Variants in RTTN observed in about 807,000 individuals in gnomAD.
The protein encoded by RTTN is rotatin.
A neutral mutation model predicts 269.2 loss-of-function variants in RTTN; 182 were observed. The ratio of observed to expected loss-of-function variants is 0.68; its 90% CI spans 0.60 to 0.76. The LOEUF (loss-of-function observed/expected upper bound fraction) is 0.76. Among genes scored for constraint, RTTN ranks in the 30% least tolerant of loss-of-function variants. RTTN has a pLI of 0.00. For missense variants in RTTN, 2,545 were observed against 2,608.6 expected (o/e 0.98, Z 0.53); for synonymous variants, 1,006 against 963.5 (o/e 1.04, Z -0.82).
intron 3 of RTTN, among the ~76,000 whole-genome samples, chr18:70,202,901 C>G (rs950800049): frequency 3.3e-5 from 5 of 152,144 alleles, no homozygotes; most frequent in African/African-American, 9.7e-5. Context: ...ACCGCAGTAC[C>G]CACAGCTGAA....
At chr18:70,133,196 G>A (rs2060039952) in intron 23 of RTTN, among the ~76,000 whole-genome samples, 2 of 152,102 alleles carry the variant, frequency 1.3e-5, no homozygotes, top group Admixed American at 1.3e-4. Flanking sequence ...ACCCACAAAT[G>A]TGATCTCATT....
chr18:70,168,792 T>C, intron 12 of RTTN, 63 bp downstream of exon 12: 1 of 1,238,160 alleles, frequency 8.1e-7, no homozygotes, highest in Non-Finnish European at 1.1e-6. Context: ...ATTTGAAAAG[T>C]ATAGATTAAA....
At position 70,098,906 on chromosome 18, in the gene RTTN, C is replaced by A. The variant is rs151264405; in HGVS notation, c.3904-6102G>T. Among the ~76,000 whole-genome samples the A allele has an allele frequency of 3.3e-5, 5 of 152,230 alleles. No homozygotes were observed. The East Asian group carries it at 9.6e-4, about 29-fold the overall frequency. On this transcript the variant is annotated intron_variant, in intron 28 of 48. Transcript: ENST00000640769. Reference sequence around the variant, plus strand: ...GAACATGCAGTGTTCGGTTATCTGTCCTTGCGATAGTTTGCTGAGAACGAT... The same window carrying A: ...GAACATGCAGTGTTCGGTTATCTGTACTTGCGATAGTTTGCTGAGAACGAT...
Position 70,150,734 on chromosome 18 carries a change from C to T in RTTN, c.1930-1G>A. ...TGACATTATGGACACCTAAACATTC[C>T]TGTAAAATAATATTAAAAAGTATTT... On this transcript the variant is annotated splice_acceptor_variant, in intron 14 of 48. Transcript: ENST00000640769. LOFTEE classifies it high-confidence loss of function. The T allele has an allele frequency of 6.4e-7, 1 of 1,566,866 alleles. No homozygotes were observed. Among genetic ancestry groups the T allele is most frequent in the Non-Finnish European group, 8.7e-7 (1 of 1,154,636 alleles).
intron 23 of RTTN, among the ~76,000 whole-genome samples, chr18:70,132,171 A>T (rs1180227195): frequency 6.6e-6 from 1 of 152,106 alleles, no homozygotes; most frequent in Non-Finnish European, 1.5e-5. Flanking sequence ...CTCAAAATAC[A>T]TTGTCAGCCA....
chr18:70,139,259 CG>C (rs1010729838), intron 21 of RTTN, among the ~76,000 whole-genome samples: 22 of 151,960 alleles, frequency 1.4e-4, no homozygotes, highest in Non-Finnish European at 2.9e-5. Flanking sequence ...ACAAGAAAGA[CG>C]AAAGAGATAT....
intron 40 of RTTN, among the ~76,000 whole-genome samples, chr18:70,047,269 T>C (rs1317312035): frequency 6.6e-6 from 1 of 152,180 alleles, no homozygotes; most frequent in African/African-American, 2.4e-5. Flanking sequence ...ACCACATGAT[T>C]AAAAAGAATA....
chr18:70,205,467 A>G (rs1395251415), intron 1 of RTTN, 152 bp from the exon 2 acceptor site: 13 of 1,369,152 alleles, frequency 9.5e-6, no homozygotes, highest in Non-Finnish European at 1.3e-5. Context: ...CGCGAAGTTT[A>G]CACAAAGTCC....
chr18:70,068,554 C>A (rs1478270330), intron 34 of RTTN, among the ~76,000 whole-genome samples: 1 of 152,194 alleles, frequency 6.6e-6, no homozygotes, highest in Non-Finnish European at 1.5e-5. Context: ...GGAACTTCAG[C>A]TAGACTAACT....
At chr18:70,180,073 C>T (rs2061387782) in intron 10 of RTTN, among the ~76,000 whole-genome samples, 1 of 152,114 alleles carries the variant, frequency 6.6e-6, no homozygotes, top group Non-Finnish European at 1.5e-5. Flanking sequence ...CAGAACTATC[C>T]ATGCCTCTTT....
chr18:70,120,632 G>A (rs1484046365), intron 26 of RTTN, among the ~76,000 whole-genome samples: 2 of 151,860 alleles, frequency 1.3e-5, no homozygotes, highest in Non-Finnish European at 2.9e-5. Context: ...AAATTCATAC[G>A]GTATTTGCAA....
In RTTN at chr18:70,116,916, C is replaced by CAA. The variant is rs5825991; in HGVS notation, c.3529-2319_3529-2318dup. Among the ~76,000 whole-genome samples, 25 of 151,896 alleles carry CAA rather than the reference C, an allele frequency of 1.6e-4. 1 individual carries two copies. In the South Asian group the frequency reaches 4.8e-3, roughly 29 times the overall value. On this transcript the variant is annotated intron_variant, in intron 26 of 48. Transcript: ENST00000640769. ...CAGCCCCACATTTGTGAACTTCCAT[C>CAA]AAAAAAATGCATTCCAAAAAGAAAG...
At chr18:70,201,563 C>A (rs1325651101) in intron 4 of RTTN, among the ~76,000 whole-genome samples, 1 of 140,226 alleles carries the variant, frequency 7.1e-6, no homozygotes, top group Non-Finnish European at 1.5e-5. Flanking sequence ...AGCCGAGATC[C>A]CACCACTGCA....
chr18:70,204,054 AT>A, intron 3 of RTTN, 31 bp downstream of exon 3: 1 of 1,459,202 alleles, frequency 6.9e-7, no homozygotes, highest in South Asian at 1.3e-5. Context: ...TAGAATTAAT[AT>A]ATTTGTATTT....
chr18:70,079,625 C>T (rs1214789960), intron 32 of RTTN, among the ~76,000 whole-genome samples: 1 of 152,042 alleles, frequency 6.6e-6, no homozygotes, highest in Non-Finnish European at 1.5e-5. Flanking sequence ...ACTAGCCTTG[C>T]CCTCAGGTGA....
chr18:70,112,382 C>T (rs1599609153), intron 27 of RTTN, among the ~76,000 whole-genome samples: 1 of 148,296 alleles, frequency 6.7e-6, no homozygotes, highest in African/African-American at 2.5e-5. Context: ...AGAGTCAAGA[C>T]CTATCAGTGT....
chr18:70,202,123 A>G, intron 3 of RTTN, 140 bp from the exon 4 acceptor site: 1 of 562,268 alleles, frequency 1.8e-6, no homozygotes, highest in Non-Finnish European at 3.1e-6. Flanking sequence ...TTTTTTCTGA[A>G]TGATCTATCT....
chr18:70,099,468 T>A (rs1009476839), intron 28 of RTTN, among the ~76,000 whole-genome samples: 1 of 152,226 alleles, frequency 6.6e-6, no homozygotes, highest in Non-Finnish European at 1.5e-5. Flanking sequence ...TCTTTATAGA[T>A]TCTGGATATT....
chr18:70,086,375 C>T (rs775120065), intron 32 of RTTN, among the ~76,000 whole-genome samples: 3 of 151,890 alleles, frequency 2.0e-5, no homozygotes, highest in Non-Finnish European at 4.4e-5. Context: ...TAGAAGGGTG[C>T]CTAAAACATA....
Sources: gnomAD v4.1 joint callset for allele counts (sites outside exome capture counted in the v4.1 genomes callset) on GRCh38, gnomAD v4.1.1 for gene constraint, MANE v1.5 for transcripts, NCBI Gene and HGNC (gene_info 2026-07-23, HGNC 2026-07-21) for gene names.